TANGO6: variants seen among roughly 807,000 people sequenced by gnomAD.
TANGO6 encodes the protein transport and Golgi organization protein 6 homolog.
In TANGO6, 90 loss-of-function variants were observed where a neutral mutation model predicts 114.2. The ratio of observed to expected loss-of-function variants is 0.79; its 90% CI spans 0.66 to 0.94. The LOEUF (loss-of-function observed/expected upper bound fraction) is 0.94. Among genes scored for constraint, TANGO6 ranks in the 40% least tolerant of loss-of-function variants. TANGO6 has a pLI of 0.00. For missense variants in TANGO6, 1,274 were observed against 1,315.3 expected (o/e 0.97, Z 0.49); for synonymous variants, 477 against 509.8 (o/e 0.94, Z 0.87).
intron 4 of TANGO6, among the ~76,000 whole-genome samples, chr16:68,869,640 CT>C: frequency 6.6e-6 from 1 of 152,188 alleles, no homozygotes; most frequent in East Asian, 1.9e-4. Context: ...AACACTTTGC[CT>C]TTTTTGTGTG....
intron 5 of TANGO6, among the ~76,000 whole-genome samples, chr16:68,875,604 T>TA (rs914130838): frequency 1.6e-4 from 25 of 151,790 alleles, no homozygotes; most frequent in South Asian, 6.3e-4. Context: ...CCGTCTCTAC[T>TA]AAAAAAAATA....
At chr16:68,925,177 G>A (rs1284122390) in intron 12 of TANGO6, among the ~76,000 whole-genome samples, 2 of 152,138 alleles carry the variant, frequency 1.3e-5, no homozygotes, top group Admixed American at 1.3e-4. Context: ...CAGGCATGGT[G>A]GCCGCACCTG....
chr16:68,942,639 T>A (rs754803187), intron 14 of TANGO6, among the ~76,000 whole-genome samples: 18 of 152,158 alleles, frequency 1.2e-4, no homozygotes, highest in Non-Finnish European at 1.9e-4. Flanking sequence ...AATCAAATTA[T>A]ATTGGAGGAA....
At chr16:68,878,370 G>A (rs1962402564) in intron 6 of TANGO6, 90 bp downstream of exon 6, 2 of 1,394,052 alleles carry the variant, frequency 1.4e-6, no homozygotes, top group Non-Finnish European at 1.9e-6. Flanking sequence ...TGTTATATCA[G>A]TCTCTTTAGT....
chr16:68,962,212 T>G (rs1963599712), intron 14 of TANGO6, among the ~76,000 whole-genome samples: 1 of 152,230 alleles, frequency 6.6e-6, no homozygotes, highest in South Asian at 2.1e-4. Context: ...AAATTATTGT[T>G]AGCTTCCATC....
chr16:68,866,977 T>A, intron 3 of TANGO6, 102 bp from the exon 4 acceptor site: 1 of 158,278 alleles, frequency 6.3e-6, no homozygotes, highest in Non-Finnish European at 1.1e-5. Context: ...TATTTCTCCT[T>A]TTTTTTTTTT....
Position 69,040,352 on chromosome 16 carries a change from TC to T in TANGO6, c.3040del (p.Gln1014LysfsTer25). The T allele has an allele frequency of 1.2e-6, 2 of 1,609,520 alleles. No individual in the cohort carries two copies. Among genetic ancestry groups the T allele is most frequent in the Non-Finnish European group, 1.7e-6 (2 of 1,178,194 alleles). On this transcript the variant is annotated frameshift_variant, in exon 17 of 18. Coordinates refer to ENST00000261778, the MANE Select transcript of TANGO6 (RefSeq NM_024562.2). LOFTEE classifies it high-confidence loss of function. ...IAVAKTDGEVQVRRAAIHVVV... is the reference protein window; with the variant it reads ...IAVAKTDGEVXVRRAAIHVVV... ...CTGTGGCCAAAACAGATGGTGAAGT[TC>T]AAGTACGCAGAGCTGCCATACATGT... is the stretch of plus-strand genomic sequence containing the variant.
At chr16:69,083,460 G>A (rs754209869) in intron 17 of TANGO6, 25 bp from the exon 18 acceptor site, 8 of 1,592,620 alleles carry the variant, frequency 5.0e-6, no homozygotes, top group South Asian at 1.1e-5. Context: ...GTAGACAGGC[G>A]GTCATGGCTG....
intron 15 of TANGO6, among the ~76,000 whole-genome samples, chr16:69,021,523 A>G (rs1959405564): frequency 6.6e-6 from 1 of 152,130 alleles, no homozygotes; most frequent in Non-Finnish European, 1.5e-5. Context: ...AATTTACACT[A>G]GAATATAAGC....
intron 17 of TANGO6, among the ~76,000 whole-genome samples, chr16:69,083,138 T>C (rs1178298275): frequency 1.3e-5 from 2 of 149,456 alleles, no homozygotes; most frequent in Non-Finnish European, 3.0e-5. Flanking sequence ...TGGCTCACTT[T>C]AGCCTTGACC....
intron 14 of TANGO6, among the ~76,000 whole-genome samples, chr16:68,951,245 C>T (rs1963468080): frequency 6.6e-6 from 1 of 151,466 alleles, no homozygotes; most frequent in African/African-American, 2.4e-5. Context: ...ATCACTTGAG[C>T]CCAAGAGGTC....
intron 6 of TANGO6, among the ~76,000 whole-genome samples, chr16:68,879,402 G>T (rs1030003713): frequency 3.3e-5 from 5 of 151,906 alleles, no homozygotes; most frequent in Non-Finnish European, 7.4e-5. Flanking sequence ...AGGATCACTT[G>T]ACCCAGGAGG....
chr16:69,063,248 G>A (rs1451799663), intron 17 of TANGO6, among the ~76,000 whole-genome samples: 1 of 151,230 alleles, frequency 6.6e-6, no homozygotes, highest in African/African-American at 2.4e-5. Flanking sequence ...CACTGGGGCC[G>A]GGCGCGGTGG....
intron 17 of TANGO6, among the ~76,000 whole-genome samples, chr16:69,076,181 T>C (rs766884583): frequency 1.6e-5 from 2 of 125,690 alleles, no homozygotes; most frequent in Non-Finnish European, 3.2e-5. Flanking sequence ...AACCTCCACC[T>C]CCCAGGTTTA....
intron 14 of TANGO6, among the ~76,000 whole-genome samples, chr16:68,950,351 A>T (rs891259874): frequency 3.3e-5 from 5 of 152,118 alleles, no homozygotes; most frequent in African/African-American, 1.2e-4. Flanking sequence ...AGATCACCTG[A>T]GGTCAGGAGT....
chr16:68,978,925 A>G (rs909534446), intron 15 of TANGO6, among the ~76,000 whole-genome samples: 1 of 134,652 alleles, frequency 7.4e-6, no homozygotes, highest in African/African-American at 2.8e-5. Context: ...AAAGTATATG[A>G]TTTTTTTTTT....
intron 1 of TANGO6, among the ~76,000 whole-genome samples, chr16:68,856,263 G>A (rs190224052): frequency 3.5e-4 from 53 of 152,292 alleles, no homozygotes; most frequent in Admixed American, 3.1e-3. Context: ...TTATCAGATC[G>A]TAGAAGTTCC....
chr16:69,042,227 A>G (rs1959784395), intron 17 of TANGO6, among the ~76,000 whole-genome samples: 1 of 152,168 alleles, frequency 6.6e-6, no homozygotes, highest in African/African-American at 2.4e-5. Flanking sequence ...ACACAAAGGA[A>G]TATGGGGAAG....
chr16:68,852,924 T>C (rs1171219944), intron 1 of TANGO6, among the ~76,000 whole-genome samples: 1 of 152,204 alleles, frequency 6.6e-6, no homozygotes, highest in Non-Finnish European at 1.5e-5. Context: ...CATTTTATTA[T>C]ATTTGCTTGA....
Sources: gnomAD v4.1 joint callset for allele counts (sites outside exome capture counted in the v4.1 genomes callset) on GRCh38, gnomAD v4.1.1 for gene constraint, MANE v1.5 for transcripts, NCBI Gene and HGNC (gene_info 2026-07-23, HGNC 2026-07-21) for gene names.